ATAD5: variants seen among roughly 807,000 people sequenced by gnomAD.
ATAD5 encodes the protein ATPase family AAA domain containing 5, also known as ATPase family AAA domain-containing protein 5.
Under a neutral mutation model 176.9 loss-of-function variants are expected in ATAD5, and 58 were observed. The observed-to-expected ratio is 0.33, with a 90% CI of 0.27 to 0.41. The LOEUF is 0.41. Among genes scored for constraint, ATAD5 ranks in the 10% least tolerant of loss-of-function variants. The pLI is 1.00. For synonymous variants in ATAD5, 640 were observed against 712.6 expected (o/e 0.90, Z 1.62); for missense variants, 1,789 against 2,094.1 (o/e 0.85, Z 2.84).
chr17:30,841,264 C>T (rs942930080), intron 4 of ATAD5, among the ~76,000 whole-genome samples: 1 of 152,186 alleles, frequency 6.6e-6, no homozygotes, highest in African/African-American at 2.4e-5. Context: ...CCTGCCTTGG[C>T]CTACTAGGGT....
chr17:30,832,403 G>A lies in ATAD5; in HGVS notation c.56G>A (p.Cys19Tyr). 1 of 1,564,726 alleles carries A rather than the reference G, an allele frequency of 6.4e-7. No individual in the cohort carries two copies. Among genetic ancestry groups the A allele is most frequent in the Non-Finnish European group, 8.7e-7 (1 of 1,154,596 alleles). The change falls in exon 1 of 23, where the codon TGC (cysteine) becomes TAC (tyrosine). Residue 19 changes from cysteine (C) to tyrosine (Y), a missense_variant. Cys to Tyr is a radical substitution (Grantham distance 194). Around this residue, in one of 6 missense-constraint regions of ATAD5, gnomAD observed 696 missense variants for 712.5 expected, o/e 0.98. Coordinates refer to ENST00000321990, the MANE Select transcript of ATAD5 (RefSeq NM_024857.5). ...AAAAPPPVKD[C>Y]EIEPCKKRKK... ...GCTGCTCCGCCTCCCGTGAAGGACTGCGAGATTGAGGTGAGGTTGAGTCGA... is the reference window on the plus strand; with the variant it reads ...GCTGCTCCGCCTCCCGTGAAGGACTACGAGATTGAGGTGAGGTTGAGTCGA...
Position 30,887,246 on chromosome 17 carries a change from G to A in ATAD5, c.4132G>A (p.Asp1378Asn). ...MICLTENFRT[D>N]VKDFVTLLTA... The stretch of plus-strand genomic sequence containing the variant: ...TTGCTTAACTGAGAATTTTAGAACT[G>A]ATGTAAAAGACTTTGTAACCTTGTT... The change falls in exon 19 of 23, where the codon GAT becomes AAT. Residue 1378 changes from aspartate to asparagine, a missense_variant. Physicochemically the swap from Asp to Asn is conservative, Grantham distance 23 (BLOSUM62 1). Around this residue, in one of 6 missense-constraint regions of ATAD5, gnomAD observed 194 missense variants for 270.1 expected, o/e 0.72. Coordinates refer to ENST00000321990, the MANE Select transcript of ATAD5 (RefSeq NM_024857.5). 6.2e-7 allele frequency: 1 copy of A among 1,605,718 alleles called. No homozygotes were observed.
At chr17:30,876,677 T>C (rs903324972) in intron 15 of ATAD5, 127 bp downstream of exon 15, 4 of 440,972 alleles carry the variant, frequency 9.1e-6, no homozygotes, top group Non-Finnish European at 1.5e-5. Flanking sequence ...AGGTTCTACA[T>C]GTAGAAGTGT....
Position 30,858,271 on chromosome 17 carries a change from A to T in ATAD5, c.2904A>T (p.Leu968=). 6.3e-7 allele frequency: 1 copy of T among 1,586,980 alleles called. No homozygotes were observed. Among genetic ancestry groups the T allele is most frequent in the Non-Finnish European group, 8.6e-7 (1 of 1,166,624 alleles). The change falls in exon 9 of 23, where the codon CTA becomes CTT. Residue 968 remains leucine, a synonymous_variant. Coordinates refer to ENST00000321990, the MANE Select transcript of ATAD5 (RefSeq NM_024857.5). ...FSLKKYFPLL[L]KKQIEHQVLS... ...TGAAAAAATATTTTCCCTTACTCCT[A>T]AAAAAACAAATTGAGCACCAAGTAC...
At chr17:30,851,225 G>A (rs1248274063) in intron 6 of ATAD5, among the ~76,000 whole-genome samples, 1 of 150,066 alleles carries the variant, frequency 6.7e-6, no homozygotes, top group Non-Finnish European at 1.5e-5. Flanking sequence ...AGCTGGGTGC[G>A]GTGGCTCACA....
At chr17:30,847,197 ACT>A (rs1906560587) in intron 6 of ATAD5, among the ~76,000 whole-genome samples, 1 of 151,972 alleles carries the variant, frequency 6.6e-6, no homozygotes, top group Non-Finnish European at 1.5e-5. Context: ...CCTTTTCTAG[ACT>A]CTCATATAAA....
intron 14 of ATAD5, among the ~76,000 whole-genome samples, chr17:30,870,925 A>G (rs1457439880): frequency 1.3e-5 from 2 of 151,980 alleles, no homozygotes; most frequent in Non-Finnish European, 2.9e-5. Flanking sequence ...TTTCTTGCAT[A>G]TATGAGTTTA....
chr17:30,842,270 A>AAAATAAAT (rs142388314), intron 4 of ATAD5, among the ~76,000 whole-genome samples: 3 of 150,398 alleles, frequency 2.0e-5, no homozygotes, highest in East Asian at 1.9e-4. Context: ...CTCCATCTCA[A>AAAATAAAT]AAATAAATAA....
At chr17:30,843,056 A>G (rs1023757229) in intron 4 of ATAD5, among the ~76,000 whole-genome samples, 4 of 151,634 alleles carry the variant, frequency 2.6e-5, no homozygotes, top group African/African-American at 9.7e-5. Context: ...TTGCTTTTTC[A>G]AAAAAGAAAG....
chr17:30,868,321 T>A lies in ATAD5; in HGVS notation c.3234-12T>A, dbSNP rs1908117516. 1.3e-6 allele frequency: 2 copies of A among 1,559,786 alleles called. No homozygotes were observed. Among genetic ancestry groups the A allele is most frequent in the Non-Finnish European group, 1.7e-6 (2 of 1,158,012 alleles). On this transcript the variant is annotated splice_polypyrimidine_tract_variant and intron_variant, in intron 11 of 22. Coordinates refer to ENST00000321990, the MANE Select transcript of ATAD5 (RefSeq NM_024857.5). ...TTCTGTGAATTATTTTTATTATGTT[T>A]TCTTGTGGCAGTTGGTTGAAAGACT...
In ATAD5 at chr17:30,895,353, A is replaced by AT. The variant is rs1261710066; in HGVS notation, c.*445dup. ...ACAAAAACATTATCTGGTGAATTATATTTTTAACCTAAAAGTTAAGGATCC... is the reference window on the plus strand; with the variant it reads ...ACAAAAACATTATCTGGTGAATTATATTTTTTAACCTAAAAGTTAAGGATCC... On this transcript the variant is annotated 3_prime_UTR_variant, in exon 23 of 23. Transcript: ENST00000321990. 1.3e-5 allele frequency: 2 copies of AT among 150,466 alleles called. No individual in the cohort carries two copies. Among genetic ancestry groups the AT allele is most frequent in the African/African-American group, 4.9e-5 (2 of 40,864 alleles). The allele number at this position is 150,466 out of a possible 1,614,324, so 9.3% of individuals were successfully genotyped here.
rs1348950758 is a variant in ATAD5 at position 30,835,587 on chromosome 17, G to T, written c.1506G>T (p.Lys502Asn). The T allele has an allele frequency of 6.2e-7, 1 of 1,611,994 alleles. No individual in the cohort carries two copies. Among genetic ancestry groups the T allele is most frequent in the Admixed American group, 1.7e-5 (1 of 59,818 alleles). ...AAAACAGAGAGGGAAACACTCAAAA[G>T]AAAGAAACAACCTTTTTCTTAAAAG... ...PGKNREGNTQ[K>N]KETTFFLKEK... Residue 502 changes from lysine (K) to asparagine (N), a missense_variant, in exon 2 of 23, where the codon AAG becomes AAT. Lys to Asn is a moderately conservative substitution (Grantham distance 94). Coordinates refer to ENST00000321990, the MANE Select transcript of ATAD5 (RefSeq NM_024857.5).
chr17:30,877,894 A>G, intron 16 of ATAD5, 109 bp from the exon 17 acceptor site: 1 of 769,802 alleles, frequency 1.3e-6, no homozygotes, highest in Admixed American at 3.1e-5. Context: ...CTGAATTCAC[A>G]CTTCATAAAT....
chr17:30,848,028 A>G (rs867389237), intron 6 of ATAD5, among the ~76,000 whole-genome samples: 2 of 152,212 alleles, frequency 1.3e-5, no homozygotes, highest in South Asian at 4.1e-4. Flanking sequence ...CCTGACTGCT[A>G]TGAACATTCT....
At chr17:30,841,279 G>T (rs1906096408) in intron 4 of ATAD5, among the ~76,000 whole-genome samples, 1 of 152,156 alleles carries the variant, frequency 6.6e-6, no homozygotes. Flanking sequence ...TAGGGTGCCA[G>T]CCCTCTTGCC....
chr17:30,855,039 A>T lies in ATAD5; in HGVS notation c.2451-104A>T, dbSNP rs964128675. 3.7e-6 allele frequency: 4 copies of T among 1,091,104 alleles called. No homozygotes were observed. The African/African-American group carries it at 4.8e-5, about 13-fold the overall frequency. The allele number at this position is 1,091,104 out of a possible 1,614,324, so 67.6% of individuals were successfully genotyped here. A position where few individuals can be genotyped will look rare whatever the true frequency, so the allele number is the denominator to read the frequency against. On this transcript the variant is annotated intron_variant, in intron 6 of 22. Coordinates refer to ENST00000321990, the MANE Select transcript of ATAD5 (RefSeq NM_024857.5). ...CTCTCAAAGTACTTATATTACAGGC[A>T]TGAGCCACCATGCCCAGCCCTAAAA...
chr17:30,837,119 C>A, intron 2 of ATAD5, 87 bp from the exon 3 acceptor site: 1 of 752,966 alleles, frequency 1.3e-6, no homozygotes, highest in Non-Finnish European at 2.0e-6. Context: ...TGCCACTGCA[C>A]CAGCTCTATT....
intron 5 of ATAD5, 72 bp from the exon 6 acceptor site, chr17:30,844,747 CAAAAAAAAAAAAAAAA>C: frequency 5.8e-6 from 2 of 343,394 alleles, no homozygotes; most frequent in Non-Finnish European, 9.6e-6. Flanking sequence ...GACTCCATCT[CAAAAAAAAAAAAAAAA>C]AAAAAAAAAG....
intron 6 of ATAD5, among the ~76,000 whole-genome samples, chr17:30,847,152 C>T (rs891184520): frequency 2.0e-5 from 3 of 152,208 alleles, no homozygotes; most frequent in African/African-American, 7.2e-5. Context: ...CCCATGCAAT[C>T]TCTTATCTGC....
Sources: allele counts gnomAD v4.1 joint callset (sites outside exome capture counted in the v4.1 genomes callset), GRCh38; gene constraint gnomAD v4.1.1; regional missense constraint gnomAD v4.1.1; transcripts MANE v1.5; gene names NCBI Gene and HGNC (gene_info 2026-07-23, HGNC 2026-07-21).